Variants in CTNNA3 observed in about 807,000 individuals in gnomAD.
CTNNA3 encodes catenin alpha 3, also known as catenin alpha-3.
Under a neutral mutation model 95.7 loss-of-function variants are expected in CTNNA3, and 76 were observed. The observed-to-expected ratio is 0.79, with a 90% confidence interval of 0.66 to 0.96. The LOEUF (loss-of-function observed/expected upper bound fraction) is 0.96. Ranked by LOEUF, CTNNA3 falls within the 40% of genes least tolerant of loss-of-function variation. The pLI is 0.00. For missense variants in CTNNA3, 1,191 were observed against 1,089.8 expected (o/e 1.09, Z -1.31); for synonymous variants, 431 against 374.4 (o/e 1.15, Z -1.74).
chr10:67,091,950 C>CTATT (rs1857668992), intron 7 of CTNNA3, among the ~76,000 whole-genome samples: 1 of 151,898 alleles, frequency 6.6e-6, no homozygotes, highest in Non-Finnish European at 1.5e-5. Context: ...ACTGAAATGC[C>CTATT]TATTTCTTAT....
chr10:67,234,939 A>G (rs1473508247), intron 5 of CTNNA3, among the ~76,000 whole-genome samples: 1 of 147,322 alleles, frequency 6.8e-6, no homozygotes, highest in Non-Finnish European at 1.5e-5. Context: ...TAAAATACCT[A>G]GGAATCCAAC....
chr10:67,385,105 T>C (rs1468310599), intron 5 of CTNNA3, among the ~76,000 whole-genome samples: 2 of 152,204 alleles, frequency 1.3e-5, no homozygotes, highest in Non-Finnish European at 2.9e-5. Context: ...GAAAAAGTAG[T>C]AAAGATTTGA....
rs187244402 is a variant in CTNNA3, at chr10:67,236,428, G to A, written c.580-16558C>T. On this transcript the variant is annotated intron_variant, in intron 5 of 17. Coordinates refer to ENST00000433211, the MANE Select transcript of CTNNA3 (RefSeq NM_013266.4). Reference sequence around the variant, plus strand: ...TCGCAAGAAGAAAAAACAAAACACCGCATATTCTCACTCATAGGTGGGAAT... The same window carrying A: ...TCGCAAGAAGAAAAAACAAAACACCACATATTCTCACTCATAGGTGGGAAT... Among the ~76,000 whole-genome samples the A allele has an allele frequency of 8.2e-3, 1,224 of 148,686 alleles. 12 individuals carry two copies. The highest frequency in any genetic ancestry group is 0.024 in the African/African-American group (967 of 40,290).
At position 67,166,134 on chromosome 10, in the gene CTNNA3, A is replaced by G. The variant is rs548793158; in HGVS notation, c.1047+14183T>C. ...ATAAACATTTGCCTGTGACTATTCCACAGCATAAATTATATAATCACTAGG... is the reference window on the plus strand; with the variant it reads ...ATAAACATTTGCCTGTGACTATTCCGCAGCATAAATTATATAATCACTAGG... On this transcript the variant is annotated intron_variant, in intron 7 of 17. Transcript: ENST00000433211. Among the ~76,000 whole-genome samples, 10 of 152,304 alleles carry G rather than the reference A, an allele frequency of 6.6e-5. No individual in the cohort carries two copies. In the South Asian group the frequency reaches 2.1e-3, roughly 32 times the overall value.
rs796376295 is a variant in CTNNA3, at chr10:67,751,661, C to T, written c.-2+11773G>A. Among the ~76,000 whole-genome samples, 4 of 152,004 alleles carry T rather than the reference C, an allele frequency of 2.6e-5. No individual in the cohort carries two copies. In the South Asian group the frequency reaches 8.3e-4, roughly 32 times the overall value. ...CATCAATGACCCCACAGAAATACAA[C>T]CAACCATCAGAGAATACTATAAACA... On this transcript the variant is annotated intron_variant, in intron 1 of 17. Coordinates refer to the CTNNA3 transcript ENST00000684154.
intron 5 of CTNNA3, among the ~76,000 whole-genome samples, chr10:67,240,390 T>C (rs1463141255): frequency 6.6e-6 from 1 of 152,128 alleles, no homozygotes; most frequent in East Asian, 1.9e-4. Context: ...CTTGGCCAAC[T>C]TAAATTAGGA....
intron 9 of CTNNA3, among the ~76,000 whole-genome samples, chr10:66,646,924 A>C (rs1239619383): frequency 6.6e-6 from 1 of 152,168 alleles, no homozygotes; most frequent in Non-Finnish European, 1.5e-5. Flanking sequence ...AAAACTTCAG[A>C]GAAAAATGGG....
intron 9 of CTNNA3, among the ~76,000 whole-genome samples, chr10:66,729,162 A>G (rs1408442268): frequency 6.6e-6 from 1 of 152,214 alleles, no homozygotes; most frequent in African/African-American, 2.4e-5. Flanking sequence ...GACATTTGTC[A>G]AAAGAAGACA....
chr10:66,515,835 T>C (rs1840832608), intron 11 of CTNNA3, among the ~76,000 whole-genome samples: 1 of 151,984 alleles, frequency 6.6e-6, no homozygotes, highest in South Asian at 2.1e-4. Context: ...TTCAATTATC[T>C]CTACGGGGTC....
At chr10:66,656,428 A>G (rs1341982790) in intron 9 of CTNNA3, among the ~76,000 whole-genome samples, 1 of 152,100 alleles carries the variant, frequency 6.6e-6, no homozygotes, top group African/African-American at 2.4e-5. Flanking sequence ...TAGCCATGAG[A>G]AATACAGGTG....
At chr10:66,129,842 C>A (rs575932888) in intron 13 of CTNNA3, among the ~76,000 whole-genome samples, 182 of 152,220 alleles carry the variant, frequency 1.2e-3, no homozygotes, top group Non-Finnish European at 2.1e-3. Context: ...GGCACCCCCC[C>A]ACATCACTTA....
chr10:67,059,465 T>C (rs893530126), intron 7 of CTNNA3, among the ~76,000 whole-genome samples: 10 of 152,196 alleles, frequency 6.6e-5, no homozygotes, highest in African/African-American at 2.2e-4. Context: ...AGACACTCGA[T>C]GGCAAGAATG....
chr10:66,816,520 C>G (rs908718767), intron 7 of CTNNA3, among the ~76,000 whole-genome samples: 1 of 151,950 alleles, frequency 6.6e-6, no homozygotes, highest in African/African-American at 2.4e-5. Context: ...AGCCCCAGAA[C>G]ACATGAGGAA....
chr10:66,798,367 C>A (rs796424213), intron 7 of CTNNA3, among the ~76,000 whole-genome samples: 3 of 150,752 alleles, frequency 2.0e-5, no homozygotes, highest in African/African-American at 7.3e-5. Context: ...ATAAGGATAG[C>A]TTAAAAAAAG....
chr10:66,258,972 GT>G (rs1324315887), intron 13 of CTNNA3, among the ~76,000 whole-genome samples: 2 of 152,170 alleles, frequency 1.3e-5, no homozygotes, highest in African/African-American at 2.4e-5. Flanking sequence ...CTTTCCTAAA[GT>G]AACCACTACT....
intron 15 of CTNNA3, among the ~76,000 whole-genome samples, chr10:66,008,677 A>T (rs76406446): frequency 6.6e-6 from 1 of 152,244 alleles, no homozygotes; most frequent in Non-Finnish European, 1.5e-5. Context: ...AGAAATATAC[A>T]TTTTAAAGAG....
At chr10:67,698,256 A>AGAG (rs1564835261), upstream of CTNNA3, among the ~76,000 whole-genome samples, 6 of 151,200 alleles carry the variant, frequency 4.0e-5, no homozygotes, top group Non-Finnish European at 7.4e-5. Flanking sequence ...AAAAAGAGAG[A>AGAG]AAAAAGAGAG....
intron 7 of CTNNA3, among the ~76,000 whole-genome samples, chr10:67,050,591 T>C (rs933222415): frequency 1.3e-5 from 2 of 152,168 alleles, no homozygotes; most frequent in African/African-American, 2.4e-5. Flanking sequence ...GTGGGAGACA[T>C]TGTTCTGCTG....
intron 9 of CTNNA3, among the ~76,000 whole-genome samples, chr10:66,700,774 C>A (rs1847917798): frequency 6.6e-6 from 1 of 152,010 alleles, no homozygotes. Context: ...GCAAAATGAG[C>A]ATTAAAAATT....
Sources: gnomAD v4.1 joint callset for allele counts (sites outside exome capture counted in the v4.1 genomes callset) on GRCh38, gnomAD v4.1.1 for gene constraint, MANE v1.5 for transcripts, NCBI Gene and HGNC (gene_info 2026-07-23, HGNC 2026-07-21) for gene names.